ORC2: variants seen among roughly 807,000 people sequenced by gnomAD.
ORC2 encodes origin recognition complex subunit 2.
In ORC2, 37 loss-of-function variants were observed where a neutral mutation model predicts 77.7. That is an observed-to-expected ratio of 0.48 (90% confidence interval 0.37 to 0.63). ORC2 has a LOEUF of 0.63. Ranked by LOEUF, ORC2 falls within the 20% of genes least tolerant of loss-of-function variation. The pLI is 0.00. For missense variants in ORC2, 557 were observed against 661.9 expected (o/e 0.84, Z 1.74); for synonymous variants, 201 against 229.5 (o/e 0.88, Z 1.12).
At chr2:200,922,115 T>C (rs1037895183) in intron 13 of ORC2, among the ~76,000 whole-genome samples, 4 of 119,218 alleles carry the variant, frequency 3.4e-5, no homozygotes, top group African/African-American at 1.3e-4. Flanking sequence ...ACCCGGATTA[T>C]CACAAAAGCC....
Position 200,921,113 on chromosome 2 carries a change from TGAG to T in ORC2, c.1171_1173del (p.Leu391del). On this transcript the variant is annotated inframe_deletion, in exon 14 of 18. Transcript: ENST00000234296. ...AACATCTGGCTATCCAAATTGTGGA[TGAG>T]AAGGAAGAGTTCTAAAGAAGAATCT... is the stretch of plus-strand genomic sequence containing the variant. 6.2e-7 allele frequency: 1 copy of T among 1,603,254 alleles called. No homozygotes were observed. Among genetic ancestry groups the T allele is most frequent in the Admixed American group, 1.7e-5 (1 of 58,974 alleles).
chr2:200,936,980 T>G (rs1328975315), intron 8 of ORC2, among the ~76,000 whole-genome samples: 1 of 150,448 alleles, frequency 6.6e-6, no homozygotes, highest in African/African-American at 2.5e-5. Flanking sequence ...ATGTAACAAA[T>G]GTAGATATTA....
In ORC2 at chr2:200,910,923, AAC is replaced by A. The variant is rs2040539884; in HGVS notation, c.*376_*377del. ...CTTTATACTTCCACACTCTGGAACA[AAC>A]ACACTTGCAAACAATCAGCTCGGGG... is the stretch of plus-strand genomic sequence containing the variant. On this transcript the variant is annotated 3_prime_UTR_variant, in exon 18 of 18. Coordinates refer to ENST00000234296, the MANE Select transcript of ORC2 (RefSeq NM_006190.5). 1.8e-5 allele frequency: 3 copies of A among 167,280 alleles called. No individual in the cohort carries two copies. Among genetic ancestry groups the A allele is most frequent in the South Asian group, 3.2e-4 (2 of 6,170 alleles). The allele number at this position is 167,280 out of a possible 1,614,324, so 10.4% of individuals were successfully genotyped here. A position where few individuals can be genotyped will look rare whatever the true frequency, so the allele number is the denominator to read the frequency against.
At chr2:200,941,323 A>G (rs1211184287) in intron 6 of ORC2, 44 bp from the exon 7 acceptor site, 2 of 1,569,138 alleles carry the variant, frequency 1.3e-6, no homozygotes, top group Non-Finnish European at 1.8e-6. Context: ...CGGACACTTC[A>G]CTTTTCATTG....
intron 5 of ORC2, among the ~76,000 whole-genome samples, chr2:200,947,902 ATTT>A (rs1423768965): frequency 6.7e-6 from 1 of 149,838 alleles, no homozygotes; most frequent in African/African-American, 2.5e-5. Context: ...TGCCTGGCTA[ATTT>A]TTTAATTTTC....
intron 4 of ORC2, among the ~76,000 whole-genome samples, chr2:200,955,352 C>A (rs2041448970): frequency 6.6e-6 from 1 of 152,140 alleles, no homozygotes; most frequent in Admixed American, 6.5e-5. Flanking sequence ...GAGCAGTGGT[C>A]ATTTTTTGTA....
At position 200,958,073 on chromosome 2, in the gene ORC2, C is replaced by G; in HGVS notation, c.51G>C (p.Val17=). The change falls in exon 3 of 18, where the codon GTG becomes GTC. Residue 17 remains valine (V), a synonymous_variant. Transcript: ENST00000234296. ...KEDKMLEVHF[V]GDDDVLNHIL... is the part of the protein sequence containing the mutation. ...TGTGATTAAGAACATCATCATCTCC[C>G]ACAAAGTGAACCTCCAGCATCTTGT... 1 of 1,612,290 alleles carries G rather than the reference C, an allele frequency of 6.2e-7. No individual in the cohort carries two copies. Among genetic ancestry groups the G allele is most frequent in the South Asian group, 1.1e-5 (1 of 90,996 alleles).
rs751223336 is a variant in ORC2, at chr2:200,957,594, A to C, written c.95-50T>G. On this transcript the variant is annotated intron_variant, in intron 3 of 17. Coordinates refer to ENST00000234296, the MANE Select transcript of ORC2 (RefSeq NM_006190.5). ...AGCATGACAGGTATAAATTCTTTCT[A>C]AACATTACATTTAAATAAGAAATTA... 3 of 1,293,482 alleles carry C rather than the reference A, an allele frequency of 2.3e-6. No individual in the cohort carries two copies. In the South Asian group the frequency reaches 5.3e-5, roughly 23 times the overall value. 80.1% of individuals were successfully genotyped at this position (1,293,482 alleles called of 1,614,324 possible).
intron 13 of ORC2, among the ~76,000 whole-genome samples, chr2:200,924,973 TG>T (rs1270134198): frequency 3.9e-5 from 6 of 152,294 alleles, no homozygotes; most frequent in African/African-American, 1.4e-4. Context: ...TTGGCCAGGC[TG>T]GTCTCGAACT....
intron 17 of ORC2, among the ~76,000 whole-genome samples, chr2:200,912,966 ATC>A (rs1282633707): frequency 6.6e-6 from 1 of 152,236 alleles, no homozygotes; most frequent in African/African-American, 2.4e-5. Context: ...TTAGTGCAAT[ATC>A]TATGTAGTTA....
rs1456885134 is a variant in ORC2, at chr2:200,910,884, CG to C, written c.*416del. On this transcript the variant is annotated 3_prime_UTR_variant, in exon 18 of 18. Coordinates refer to ENST00000234296, the MANE Select transcript of ORC2 (RefSeq NM_006190.5). ...CAGAATAGCAAACAAAACCAATTTA[CG>C]TGATGCCCATGTCTTTATACTTCCA... 6.4e-6 allele frequency: 1 copy of C among 156,622 alleles called. No individual in the cohort carries two copies. The highest frequency in any genetic ancestry group is 2.4e-5 in the African/African-American group (1 of 41,518). 9.7% of individuals were successfully genotyped at this position (156,622 alleles called of 1,614,324 possible). A position where few individuals can be genotyped will look rare whatever the true frequency, so the allele number is the denominator to read the frequency against.
rs891586391 is a variant in ORC2 at position 200,910,480 on chromosome 2, T to C, written c.*821A>G. The C allele has an allele frequency of 6.6e-6, 1 of 152,194 alleles. No individual in the cohort carries two copies. Among genetic ancestry groups the C allele is most frequent in the Non-Finnish European group, 1.5e-5 (1 of 68,028 alleles). 9.4% of individuals were successfully genotyped at this position (152,194 alleles called of 1,614,324 possible). On this transcript the variant is annotated 3_prime_UTR_variant, in exon 18 of 18. Transcript: ENST00000234296. ...TCAAGAAAAGAAAAATATGTCAATA[T>C]ACAAGAATAATGAAATGTTTTATTT... is the stretch of plus-strand genomic sequence containing the variant.
At position 200,909,723 on chromosome 2, in the gene ORC2, C is replaced by CTAA. The variant is rs1491571810; in HGVS notation, c.*1575_*1577dup. The CTAA allele has an allele frequency of 7.5e-6, 1 of 132,682 alleles. No homozygotes were observed. The highest frequency in any genetic ancestry group is 2.8e-5 in the African/African-American group (1 of 35,722). The allele number at this position is 132,682 out of a possible 1,614,324, so 8.2% of individuals were successfully genotyped here. On this transcript the variant is annotated 3_prime_UTR_variant, in exon 18 of 18. Coordinates refer to ENST00000234296, the MANE Select transcript of ORC2 (RefSeq NM_006190.5). ...AAAAAAAAAAAAAAAAAAAAAAAGA[C>CTAA]TAAGCCCATGGACTTAACATAAAAT...
chr2:200,955,581 A>C (rs1414421088), intron 4 of ORC2, among the ~76,000 whole-genome samples: 2 of 152,204 alleles, frequency 1.3e-5, no homozygotes, highest in Admixed American at 1.3e-4. Context: ...CAAATCACTT[A>C]ACACTGGGAA....
chr2:200,919,548 G>A (rs2040720551), intron 15 of ORC2, among the ~76,000 whole-genome samples: 1 of 152,126 alleles, frequency 6.6e-6, no homozygotes, highest in South Asian at 2.1e-4. Context: ...TGGTAGAGAT[G>A]GGGTTTCCCC....
At chr2:200,956,737 A>G (rs1441877570) in intron 4 of ORC2, among the ~76,000 whole-genome samples, 1 of 152,174 alleles carries the variant, frequency 6.6e-6, no homozygotes. Flanking sequence ...GTGCCATGGC[A>G]TCCCAATCTG....
rs16835644 is a variant in ORC2 at position 200,914,594 on chromosome 2, T to A, written c.1467-602A>T. Reference sequence around the variant, plus strand: ...AGGAGTTTGAGACCACCCTGGGCAATATAGTGAGACTCTGTCTCTATAAAA... The same window carrying A: ...AGGAGTTTGAGACCACCCTGGGCAAAATAGTGAGACTCTGTCTCTATAAAA... On this transcript the variant is annotated intron_variant, in intron 15 of 17. Coordinates refer to ENST00000234296, the MANE Select transcript of ORC2 (RefSeq NM_006190.5). 6.9e-3 allele frequency among the ~76,000 whole-genome samples: 1,045 copies of A among 152,112 alleles called. 5 individuals are homozygous for A. The highest frequency in any genetic ancestry group is 0.011 in the Non-Finnish European group (771 of 67,994).
chr2:200,948,095 A>G (rs1001097067), intron 5 of ORC2, among the ~76,000 whole-genome samples: 1 of 143,798 alleles, frequency 7.0e-6, no homozygotes, highest in African/African-American at 2.8e-5. Flanking sequence ...TTGTATTTTT[A>G]GTAGAGACGG....
At position 200,963,647 on chromosome 2, in the gene ORC2, G is replaced by C. The variant is rs2041625789; in HGVS notation, c.-217C>G. The C allele has an allele frequency of 1.3e-5, 5 of 398,434 alleles. No homozygotes were observed. In the East Asian group the frequency reaches 1.8e-4, roughly 14 times the overall value. The allele number at this position is 398,434 out of a possible 1,614,324, so 24.7% of individuals were successfully genotyped here. A position where few individuals can be genotyped will look rare whatever the true frequency, so the allele number is the denominator to read the frequency against. On this transcript the variant is annotated 5_prime_UTR_variant, in exon 1 of 18. Transcript: ENST00000234296. The stretch of plus-strand genomic sequence containing the variant: ...ACCGGGGAGGTAAGGAGCACCGGAG[G>C]CCAGCTGGGGGATGGGAAGCCTGCG...
Sources: allele counts gnomAD v4.1 joint callset (sites outside exome capture counted in the v4.1 genomes callset), GRCh38; gene constraint gnomAD v4.1.1; transcripts MANE v1.5; gene names NCBI Gene and HGNC (gene_info 2026-07-23, HGNC 2026-07-21).